Variants in SPHKAP observed in about 807,000 individuals in gnomAD.
The protein encoded by SPHKAP is SPHK1 interactor, AKAP domain containing.
Under a neutral mutation model 137.5 loss-of-function variants are expected in SPHKAP, and 67 were observed. That is an observed-to-expected ratio of 0.49 (90% CI 0.40 to 0.60). The LOEUF (loss-of-function observed/expected upper bound fraction) is 0.60, where lower values mean the gene tolerates loss of function less well. Ranked by LOEUF, SPHKAP falls within the 20% of genes least tolerant of loss-of-function variation. The pLI, the probability that SPHKAP is intolerant of heterozygous loss-of-function variation, is 0.00. For synonymous variants in SPHKAP, 813 were observed against 785.3 expected (o/e 1.04, Z -0.59); for missense variants, 2,097 against 2,069.3 (o/e 1.01, Z -0.26).
intron 1 of SPHKAP, among the ~76,000 whole-genome samples, chr2:228,142,122 G>A (rs1467584030): frequency 6.6e-6 from 1 of 152,152 alleles, no homozygotes; most frequent in Non-Finnish European, 1.5e-5. Context: ...ATCGTTTACA[G>A]TTAAAGGCAG....
chr2:227,993,525 G>T lies in SPHKAP; in HGVS notation c.4721+9C>A, dbSNP rs79492600. ...GTCTCACAATCACTGCATCTCAGTG[G>T]CTACTTACTTAATCATGGGAGAAGA... On this transcript the variant is annotated intron_variant, in intron 9 of 11. Coordinates refer to ENST00000392056, the MANE Select transcript of SPHKAP (RefSeq NM_001142644.2). 963 of 1,593,860 alleles carry T rather than the reference G, an allele frequency of 6.0e-4. 8 individuals are homozygous for T. In the East Asian group the frequency reaches 0.019, roughly 32 times the overall value.
intron 3 of SPHKAP, among the ~76,000 whole-genome samples, chr2:228,062,683 C>T (rs1696693540): frequency 6.6e-6 from 1 of 151,518 alleles, no homozygotes; most frequent in South Asian, 2.1e-4. Flanking sequence ...AAAGTAAGTC[C>T]TGGATCCACA....
chr2:228,031,365 C>G (rs948503883), intron 3 of SPHKAP, among the ~76,000 whole-genome samples: 1 of 152,198 alleles, frequency 6.6e-6, no homozygotes, highest in Non-Finnish European at 1.5e-5. Flanking sequence ...ACAAAAATGC[C>G]AGGAAGCTCG....
intron 1 of SPHKAP, among the ~76,000 whole-genome samples, chr2:228,161,578 A>G (rs1208416908): frequency 1.3e-5 from 2 of 152,280 alleles, no homozygotes; most frequent in East Asian, 3.9e-4. Flanking sequence ...ATCAGGAAAA[A>G]TACTTAATGC....
chr2:228,177,159 T>C (rs1700769578), intron 1 of SPHKAP, among the ~76,000 whole-genome samples: 1 of 152,044 alleles, frequency 6.6e-6, no homozygotes, highest in Non-Finnish European at 1.5e-5. Context: ...AACTTGCCAG[T>C]ATCTGAAGTG....
intron 3 of SPHKAP, among the ~76,000 whole-genome samples, chr2:228,027,749 C>G (rs150380350): frequency 6.6e-6 from 1 of 151,898 alleles, no homozygotes; most frequent in Non-Finnish European, 1.5e-5. Flanking sequence ...GGGCAGATCA[C>G]GAGGTCAGGA....
rs553566338 is a variant in SPHKAP, at chr2:228,133,351, T to A, written c.33-1266A>T. 3.5e-3 allele frequency among the ~76,000 whole-genome samples: 512 copies of A among 146,448 alleles called. 4 individuals carry two copies. The highest frequency in any genetic ancestry group is 0.013 in the African/African-American group (497 of 39,170). ...TAAATAAATAAATAAATAAATAAAT[T>A]ACTTCTACATTTTCAACACGTGATA... On this transcript the variant is annotated intron_variant, in intron 1 of 11. Coordinates refer to ENST00000392056, the MANE Select transcript of SPHKAP (RefSeq NM_001142644.2).
At chr2:228,154,184 C>G (rs1469071556) in intron 1 of SPHKAP, among the ~76,000 whole-genome samples, 3 of 151,770 alleles carry the variant, frequency 2.0e-5, no homozygotes, top group Non-Finnish European at 2.9e-5. Flanking sequence ...AAACGACAGA[C>G]AAAATGCAAA....
intron 7 of SPHKAP, among the ~76,000 whole-genome samples, chr2:228,006,761 C>T (rs549272452): frequency 6.6e-6 from 1 of 152,290 alleles, no homozygotes; most frequent in East Asian, 1.9e-4. Flanking sequence ...TTTTAACAGT[C>T]AGGACCCTCA....
intron 7 of SPHKAP, among the ~76,000 whole-genome samples, chr2:228,015,228 T>C (rs1694531968): frequency 6.6e-6 from 1 of 151,828 alleles, no homozygotes; most frequent in Non-Finnish European, 1.5e-5. Flanking sequence ...ATTTCATCCA[T>C]GTCCCTACAA....
chr2:227,993,622 T>C lies in SPHKAP; in HGVS notation c.4635-2A>G. On this transcript the variant is annotated splice_acceptor_variant, in intron 8 of 11. Coordinates refer to ENST00000392056, the MANE Select transcript of SPHKAP (RefSeq NM_001142644.2). LOFTEE classifies it high-confidence loss of function. ...CTAGTGGCACTACTGTTGCCATTGC[T>C]GACAAAGCAAAAGTTTACATATTAA... is the stretch of plus-strand genomic sequence containing the variant. 6.3e-7 allele frequency: 1 copy of C among 1,585,374 alleles called. No homozygotes were observed. Among genetic ancestry groups the C allele is most frequent in the East Asian group, 2.3e-5 (1 of 43,746 alleles).
intron 1 of SPHKAP, among the ~76,000 whole-genome samples, chr2:228,147,624 T>C (rs1699812513): frequency 6.6e-6 from 1 of 152,138 alleles, no homozygotes; most frequent in Non-Finnish European, 1.5e-5. Context: ...TTGGGAAAAT[T>C]CCCTAATCTC....
intron 3 of SPHKAP, among the ~76,000 whole-genome samples, chr2:228,034,349 G>A (rs1695487507): frequency 6.6e-6 from 1 of 152,030 alleles, no homozygotes. Context: ...GAATCTCTGA[G>A]TAGAGCAATA....
At chr2:228,178,935 T>TAA (rs757281339) in intron 1 of SPHKAP, among the ~76,000 whole-genome samples, 1 of 144,236 alleles carries the variant, frequency 6.9e-6, no homozygotes. Flanking sequence ...AACATTTCCT[T>TAA]AAAAAAAAAA....
Position 227,981,373 on chromosome 2 carries a change from T to A in SPHKAP, c.*344A>T, listed in dbSNP as rs915291962. Reference sequence around the variant, plus strand: ...TAGTTGATTCATCTAATTAGAGACATTACAAATCATTTTATATGATTAAAC... The same window carrying A: ...TAGTTGATTCATCTAATTAGAGACAATACAAATCATTTTATATGATTAAAC... On this transcript the variant is annotated 3_prime_UTR_variant, in exon 12 of 12. Coordinates refer to ENST00000392056, the MANE Select transcript of SPHKAP (RefSeq NM_001142644.2). 6.0e-6 allele frequency: 1 copy of A among 167,502 alleles called. No homozygotes were observed. The highest frequency in any genetic ancestry group is 1.3e-5 in the Non-Finnish European group (1 of 78,628). The allele number at this position is 167,502 out of a possible 1,614,324, so 10.4% of individuals were successfully genotyped here.
At chr2:228,000,359 C>G (rs907338233) in intron 7 of SPHKAP, among the ~76,000 whole-genome samples, 1 of 152,202 alleles carries the variant, frequency 6.6e-6, no homozygotes, top group Non-Finnish European at 1.5e-5. Flanking sequence ...TGGCTCACGT[C>G]TGTAATCCCA....
At chr2:228,059,727 G>T (rs1340487989) in intron 3 of SPHKAP, among the ~76,000 whole-genome samples, 1 of 152,158 alleles carries the variant, frequency 6.6e-6, no homozygotes, top group Non-Finnish European at 1.5e-5. Context: ...TACCAATAAA[G>T]AATAATGTTT....
rs114573368 is a variant in SPHKAP at position 227,995,129 on chromosome 2, C to T, written c.4634+380G>A. The stretch of plus-strand genomic sequence containing the variant: ...ATACAACACAGTGTGGAAACACTTG[C>T]CTCGTGTAAACCCAGCCTGTGTTGC... On this transcript the variant is annotated intron_variant, in intron 8 of 11. Coordinates refer to ENST00000392056, the MANE Select transcript of SPHKAP (RefSeq NM_001142644.2). Among the ~76,000 whole-genome samples the T allele has an allele frequency of 5.3e-3, 806 of 152,318 alleles. 6 individuals are homozygous for T. Among genetic ancestry groups the T allele is most frequent in the Admixed American group, 8.8e-3 (134 of 15,308 alleles).
Position 228,151,202 on chromosome 2 carries a change from C to T in SPHKAP, c.33-19117G>A, listed in dbSNP as rs554456758. Among the ~76,000 whole-genome samples the T allele has an allele frequency of 1.7e-4, 26 of 151,094 alleles. No homozygotes were observed. The East Asian group carries it at 2.4e-3, about 14-fold the overall frequency. ...TGCGGTGTTTGGTTTTTTGTCCTTG[C>T]GATAGTTTACTGAGAATGATGATTT... On this transcript the variant is annotated intron_variant, in intron 1 of 11. Coordinates refer to ENST00000392056, the MANE Select transcript of SPHKAP (RefSeq NM_001142644.2).
Sources: gnomAD v4.1 joint callset for allele counts (sites outside exome capture counted in the v4.1 genomes callset) on GRCh38, gnomAD v4.1.1 for gene constraint, MANE v1.5 for transcripts, NCBI Gene and HGNC (gene_info 2026-07-23, HGNC 2026-07-21) for gene names.